The following OTUD7B variants were observed in gnomAD, a reference collection of about 807,000 sequenced individuals.
The protein encoded by OTUD7B is OTU domain-containing protein 7B.
OTUD7B carries 34 observed loss-of-function variants against 82.2 expected under a neutral mutation model. The observed-to-expected ratio is 0.41, with a 90% confidence interval of 0.31 to 0.55. The LOEUF is 0.55. Ranked by LOEUF, OTUD7B falls within the 20% of genes least tolerant of loss-of-function variation. The probability of loss-of-function intolerance (pLI) is 0.20; values close to 1 mark genes in which losing one functional copy is unlikely to be tolerated. For synonymous variants in OTUD7B, 398 were observed against 402.7 expected (o/e 0.99, Z 0.14); for missense variants, 944 against 1,062.1 (o/e 0.89, Z 1.55).
intron 1 of OTUD7B, among the ~76,000 whole-genome samples, chr1:150,002,180 G>A (rs57513077): frequency 0.02 from 2,901 of 148,324 alleles, 79 homozygotes; most frequent in African/African-American, 0.065. Context: ...TTTTTTCCCT[G>A]AACTTTTCTA....
the OTUD7B span, among the ~76,000 whole-genome samples, chr1:150,026,578 T>G: frequency 6.6e-6 from 1 of 152,184 alleles, no homozygotes; most frequent in Non-Finnish European, 1.5e-5. Context: ...AGGTAACACA[T>G]AGTCCAAATG....
In OTUD7B at chr1:150,007,302, A is replaced by G. The variant is rs587662943; in HGVS notation, c.-67+3146T>C. Among the ~76,000 whole-genome samples, 6 of 152,338 alleles carry G rather than the reference A, an allele frequency of 3.9e-5. No homozygotes were observed. In the South Asian group the frequency reaches 1.0e-3, roughly 26 times the overall value. Reference sequence around the variant, plus strand: ...TGGTAAAAAATAGCCGCAAGGTCTGAACGAAGACCCATCTAACTCAATAGC... The same window carrying G: ...TGGTAAAAAATAGCCGCAAGGTCTGGACGAAGACCCATCTAACTCAATAGC... On this transcript the variant is annotated intron_variant, in intron 1 of 11. Coordinates refer to ENST00000581312, the MANE Select transcript of OTUD7B (RefSeq NM_020205.4).
chr1:149,949,540 A>T, intron 9 of OTUD7B, 89 bp downstream of exon 9: 1 of 1,343,284 alleles, frequency 7.4e-7, no homozygotes, highest in Non-Finnish European at 1.0e-6. Flanking sequence ...CTGGGCTTGC[A>T]TGTCACTTAA....
chr1:150,031,952 C>CT, the OTUD7B span, among the ~76,000 whole-genome samples: 3 of 152,178 alleles, frequency 2.0e-5, no homozygotes, highest in African/African-American at 7.2e-5. Flanking sequence ...TATAAACACA[C>CT]ATACTTTAAA....
In OTUD7B at chr1:149,964,212, G is replaced by A. The variant is rs587758966; in HGVS notation, c.732+10C>T. 78 of 1,610,488 alleles carry A rather than the reference G, an allele frequency of 4.8e-5. No homozygotes were observed. The highest frequency in any genetic ancestry group is 1.7e-4 in the Middle Eastern group (1 of 6,060). Reference sequence around the variant, plus strand: ...TAGGAAACAAGGCGCTCCCACCCACGCTCTCCCACCTCTTTATTCTGCTGT... The same window carrying A: ...TAGGAAACAAGGCGCTCCCACCCACACTCTCCCACCTCTTTATTCTGCTGT... On this transcript the variant is annotated intron_variant, in intron 6 of 11. Coordinates refer to ENST00000581312, the MANE Select transcript of OTUD7B (RefSeq NM_020205.4).
At chr1:149,988,566 T>C (rs868955073) in intron 1 of OTUD7B, among the ~76,000 whole-genome samples, 6 of 152,172 alleles carry the variant, frequency 3.9e-5, no homozygotes, top group South Asian at 4.1e-4. Context: ...ATTTAATAAT[T>C]TGGAAGACTT....
Position 149,992,495 on chromosome 1 carries a change from G to GTTTTT in OTUD7B, c.-66-14920_-66-14919insAAAAA, listed in dbSNP as rs1651658063. 1.4e-4 allele frequency among the ~76,000 whole-genome samples: 12 copies of GTTTTT among 87,364 alleles called. 1 individual carries two copies. Among genetic ancestry groups the GTTTTT allele is most frequent in the South Asian group, 4.8e-4 (1 of 2,080 alleles). 57.3% of individuals were successfully genotyped at this position (87,364 alleles called of 152,430 possible). ...TTTTTTTTTTTTTTTTTTTTTTTTAGTACAGAGTCTCACTCTGTCACCCAG... is the reference window on the plus strand; with the variant it reads ...TTTTTTTTTTTTTTTTTTTTTTTTAGTTTTTTACAGAGTCTCACTCTGTCACCCAG... On this transcript the variant is annotated intron_variant, in intron 1 of 11. Coordinates refer to ENST00000581312, the MANE Select transcript of OTUD7B (RefSeq NM_020205.4).
In OTUD7B at chr1:150,010,441, C is replaced by T. The variant is rs1046384032; in HGVS notation, c.-67+7G>A. 2.0e-5 allele frequency: 3 copies of T among 152,484 alleles called. No individual in the cohort carries two copies. Among genetic ancestry groups the T allele is most frequent in the Non-Finnish European group, 4.4e-5 (3 of 68,186 alleles). The allele number at this position is 152,484 out of a possible 1,614,324, so 9.4% of individuals were successfully genotyped here. A position where few individuals can be genotyped will look rare whatever the true frequency, so the allele number is the denominator to read the frequency against. On this transcript the variant is annotated splice_region_variant and intron_variant, in intron 1 of 11. Coordinates refer to ENST00000581312, the MANE Select transcript of OTUD7B (RefSeq NM_020205.4). ...GGGGACGGTGTCAGGACGGGGGGCT[C>T]CGTTACCCTCGCGGGCTCCCGGGGC...
the OTUD7B span, among the ~76,000 whole-genome samples, chr1:150,025,949 A>G: frequency 5.3e-5 from 8 of 152,208 alleles, no homozygotes; most frequent in African/African-American, 1.9e-4. Context: ...TCAGGTTGCA[A>G]GAAGGATCTG....
rs587691486 is a variant in OTUD7B at position 149,959,361 on chromosome 1, C to T, written c.845+323G>A. On this transcript the variant is annotated intron_variant, in intron 7 of 11. Coordinates refer to ENST00000581312, the MANE Select transcript of OTUD7B (RefSeq NM_020205.4). Reference sequence around the variant, plus strand: ...GATTACAGGTGTGAGACACCACACCCGGCCTGATATGTCTTTTTAGTCCAT... The same window carrying T: ...GATTACAGGTGTGAGACACCACACCTGGCCTGATATGTCTTTTTAGTCCAT... Among the ~76,000 whole-genome samples the T allele has an allele frequency of 1.1e-4, 16 of 152,258 alleles. 1 individual carries two copies. The highest frequency in any genetic ancestry group is 3.9e-4 in the Admixed American group (6 of 15,280).
the OTUD7B span, among the ~76,000 whole-genome samples, chr1:150,049,067 A>AT: frequency 7.2e-5 from 11 of 152,066 alleles, no homozygotes; most frequent in Admixed American, 7.2e-4. Flanking sequence ...CGAACTCCTG[A>AT]CCTCAAGTGA....
At chr1:149,994,986 G>A (rs1651832312) in intron 1 of OTUD7B, among the ~76,000 whole-genome samples, 1 of 152,044 alleles carries the variant, frequency 6.6e-6, no homozygotes, top group South Asian at 2.1e-4. Context: ...ATAAATCTTT[G>A]TTTACCTCAA....
Position 149,967,481 on chromosome 1 carries a change from G to A in OTUD7B, c.315C>T (p.Ser105=). ...LSRGISHASS[S]IVSLARSHVS... ...CATGGGACCGGGCCAGGGAAACAAT[G>A]CTGGAGCTGGCGTGGGAGATGCCCC... The change falls in exon 4 of 12, where the codon AGC becomes AGT. Residue 105 remains serine, a synonymous_variant. Coordinates refer to ENST00000581312, the MANE Select transcript of OTUD7B (RefSeq NM_020205.4). The A allele has an allele frequency of 1.2e-6, 2 of 1,613,290 alleles. No individual in the cohort carries two copies. The highest frequency in any genetic ancestry group is 1.7e-6 in the Non-Finnish European group (2 of 1,179,514).
At chr1:149,985,746 GA>G (rs141800132) in intron 1 of OTUD7B, among the ~76,000 whole-genome samples, 2 of 145,376 alleles carry the variant, frequency 1.4e-5, no homozygotes, top group African/African-American at 2.5e-5. Context: ...GACCCTGTAT[GA>G]AAAAAAAAAA....
chr1:149,992,464 T>C (rs1468059455), intron 1 of OTUD7B, among the ~76,000 whole-genome samples: 2 of 96,548 alleles, frequency 2.1e-5, no homozygotes, highest in South Asian at 3.9e-4. Flanking sequence ...TTTGTGTGCA[T>C]GTGTTTTTTT....
chr1:150,013,235 T>C (rs1553787827), upstream of OTUD7B, among the ~76,000 whole-genome samples: 1 of 152,228 alleles, frequency 6.6e-6, no homozygotes, highest in East Asian at 1.9e-4. Context: ...TGTTTTTGTT[T>C]ACTCGTCTTA....
the OTUD7B span, among the ~76,000 whole-genome samples, chr1:150,023,163 G>A: frequency 9.8e-5 from 15 of 152,330 alleles, no homozygotes; most frequent in Non-Finnish European, 1.9e-4. Flanking sequence ...AGAATATGGA[G>A]AAAAGGGGAC....
chr1:149,949,989 C>G, intron 8 of OTUD7B, 105 bp downstream of exon 8: 1 of 1,472,160 alleles, frequency 6.8e-7, no homozygotes, highest in South Asian at 1.3e-5. Flanking sequence ...TGCTTTTTCC[C>G]CAAGGGTCTA....
chr1:149,955,199 C>T (rs587619951), intron 7 of OTUD7B, among the ~76,000 whole-genome samples: 9 of 152,094 alleles, frequency 5.9e-5, no homozygotes, highest in African/African-American at 1.9e-4. Context: ...ATTTCCCTCT[C>T]CACACTGCTT....
Sources: allele counts gnomAD v4.1 joint callset (sites outside exome capture counted in the v4.1 genomes callset), GRCh38; gene constraint gnomAD v4.1.1; transcripts MANE v1.5; gene names NCBI Gene and HGNC (gene_info 2026-07-23, HGNC 2026-07-21).